Variants in LRRTM4 observed in about 807,000 individuals in gnomAD.
LRRTM4 encodes leucine rich repeat transmembrane neuronal 4.
In LRRTM4, 25 loss-of-function variants were observed where a neutral mutation model predicts 47.6. That is an observed-to-expected ratio of 0.53 (90% CI 0.38 to 0.73). The LOEUF is 0.73. Ranked by LOEUF, LRRTM4 falls within the 30% of genes least tolerant of loss-of-function variation. The probability of loss-of-function intolerance (pLI) is 0.00; values close to 1 mark genes in which losing one functional copy is unlikely to be tolerated. For missense variants in LRRTM4, 638 were observed against 713.4 expected, an observed-to-expected ratio of 0.89 and a Z score of 1.20; for synonymous variants, 311 against 269.5, an observed-to-expected ratio of 1.15 and a Z score of -1.51.
At chr2:76,812,791 TC>T (rs1366507886) in intron 3 of LRRTM4, among the ~76,000 whole-genome samples, 22 of 48,758 alleles carry the variant, frequency 4.5e-4, no homozygotes, top group Non-Finnish European at 6.6e-4. Flanking sequence ...CTCCTCTCCC[TC>T]CCCCCCCTCC....
intron 3 of LRRTM4, among the ~76,000 whole-genome samples, chr2:76,846,486 T>G (rs1573203735): frequency 6.6e-6 from 1 of 152,222 alleles, no homozygotes; most frequent in African/African-American, 2.4e-5. Context: ...TATATGTACA[T>G]TCTAACATCT....
rs189612255 is a variant in LRRTM4 at position 77,321,613 on chromosome 2, T to G, written c.1551+196705A>C. Reference sequence around the variant, plus strand: ...AAAAGAAAAAAGAAATGAATTGCCATGACTTAATGTGAGATAAGACAAAAC... The same window carrying G: ...AAAAGAAAAAAGAAATGAATTGCCAGGACTTAATGTGAGATAAGACAAAAC... On this transcript the variant is annotated intron_variant, in intron 3 of 3. Coordinates refer to ENST00000409884, the MANE Select transcript of LRRTM4 (RefSeq NM_001134745.3). Among the ~76,000 whole-genome samples, 927 of 140,958 alleles carry G rather than the reference T, an allele frequency of 6.6e-3. 7 individuals are homozygous for G. The highest frequency in any genetic ancestry group is 0.025 in the African/African-American group (888 of 35,110). The allele number at this position is 140,958 out of a possible 152,430, so 92.5% of individuals were successfully genotyped here.
At chr2:77,317,259 G>A (rs1677645495) in intron 3 of LRRTM4, among the ~76,000 whole-genome samples, 1 of 151,972 alleles carries the variant, frequency 6.6e-6, no homozygotes, top group African/African-American at 2.4e-5. Context: ...GCAGTTTTTT[G>A]CAATTTTATA....
intron 3 of LRRTM4, among the ~76,000 whole-genome samples, chr2:76,785,371 A>T (rs1674620060): frequency 6.6e-6 from 1 of 152,164 alleles, no homozygotes; most frequent in South Asian, 2.1e-4. Context: ...AACTTATAAC[A>T]GTGTACTTTA....
chr2:77,326,997 T>G (rs1310365885), intron 3 of LRRTM4, among the ~76,000 whole-genome samples: 1 of 152,208 alleles, frequency 6.6e-6, no homozygotes, highest in Non-Finnish European at 1.5e-5. Flanking sequence ...CTGTTTCTGC[T>G]GCAGGAAAGG....
At chr2:77,202,198 A>G (rs996962327) in intron 3 of LRRTM4, among the ~76,000 whole-genome samples, 6 of 152,262 alleles carry the variant, frequency 3.9e-5, no homozygotes, top group African/African-American at 7.2e-5. Context: ...AAACTTATCA[A>G]ATTTCTTTGG....
chr2:76,867,691 G>A (rs1417869832), intron 3 of LRRTM4, among the ~76,000 whole-genome samples: 1 of 152,086 alleles, frequency 6.6e-6, no homozygotes, highest in Non-Finnish European at 1.5e-5. Flanking sequence ...ATTTGATGAT[G>A]CCATCTTAAT....
chr2:77,076,233 G>A (rs1415896532), intron 3 of LRRTM4, among the ~76,000 whole-genome samples: 1 of 152,148 alleles, frequency 6.6e-6, no homozygotes, highest in African/African-American at 2.4e-5. Context: ...GTCCTTGGAA[G>A]ATAGAAAAAT....
chr2:77,094,738 A>G (rs888337667), intron 3 of LRRTM4, among the ~76,000 whole-genome samples: 2 of 152,162 alleles, frequency 1.3e-5, no homozygotes, highest in Non-Finnish European at 2.9e-5. Flanking sequence ...GAATCAAAAG[A>G]ATGAAATTGG....
rs1205364446 is a variant in LRRTM4 at position 77,480,818 on chromosome 2, GTGTGGAGA to G, written c.1551+37492_1551+37499del. 3.7e-4 allele frequency among the ~76,000 whole-genome samples: 43 copies of G among 114,992 alleles called. No homozygotes were observed. In the East Asian group the frequency reaches 0.01, roughly 27 times the overall value. The allele number at this position is 114,992 out of a possible 152,430, so 75.4% of individuals were successfully genotyped here. On this transcript the variant is annotated intron_variant, in intron 3 of 3. Coordinates refer to ENST00000409884, the MANE Select transcript of LRRTM4 (RefSeq NM_001134745.3). The stretch of plus-strand genomic sequence containing the variant: ...TGTGTGTGTGTGTGTGTGTGTGTGT[GTGTGGAGA>G]GAGAGAGAGAGAGAGAGAGAGAGAG...
chr2:77,336,061 T>C (rs1671153321), intron 3 of LRRTM4, among the ~76,000 whole-genome samples: 2 of 151,574 alleles, frequency 1.3e-5, no homozygotes, highest in Admixed American at 1.3e-4. Flanking sequence ...CCAGTAGTTT[T>C]ACTTATTCTT....
At chr2:77,392,679 T>C (rs1038890960) in intron 3 of LRRTM4, among the ~76,000 whole-genome samples, 2 of 151,940 alleles carry the variant, frequency 1.3e-5, no homozygotes, top group African/African-American at 4.8e-5. Context: ...TTTGAGCTCA[T>C]AGAAACAGAG....
At chr2:77,049,157 T>TATATATATACACACAC (rs1351971551) in intron 3 of LRRTM4, among the ~76,000 whole-genome samples, 3 of 106,374 alleles carry the variant, frequency 2.8e-5, no homozygotes, top group African/African-American at 1.0e-4. Context: ...TATATATATA[T>TATATATATACACACAC]ACACACACAC....
At chr2:77,455,137 G>A (rs1676474549) in intron 3 of LRRTM4, among the ~76,000 whole-genome samples, 1 of 152,160 alleles carries the variant, frequency 6.6e-6, no homozygotes, top group Non-Finnish European at 1.5e-5. Context: ...GCAGTGAGCT[G>A]AGATAGCACC....
At chr2:77,417,693 C>T (rs1430830538) in intron 3 of LRRTM4, among the ~76,000 whole-genome samples, 2 of 146,356 alleles carry the variant, frequency 1.4e-5, no homozygotes, top group African/African-American at 5.1e-5. Context: ...TATTCCCACT[C>T]ATAGGTGGGA....
chr2:76,790,750 C>T (rs1038929425), intron 3 of LRRTM4, among the ~76,000 whole-genome samples: 15 of 151,480 alleles, frequency 9.9e-5, no homozygotes, highest in African/African-American at 3.6e-4. Context: ...TCAGTATCTT[C>T]CAGTTGATGT....
At chr2:77,396,745 T>A (rs1001106006) in intron 3 of LRRTM4, among the ~76,000 whole-genome samples, 2 of 151,860 alleles carry the variant, frequency 1.3e-5, no homozygotes, top group African/African-American at 4.8e-5. Context: ...ATATGCACAA[T>A]AGTTTTTTTT....
At chr2:76,794,725 C>G (rs962760163) in intron 3 of LRRTM4, among the ~76,000 whole-genome samples, 60 of 151,856 alleles carry the variant, frequency 4.0e-4, no homozygotes, top group African/African-American at 1.2e-3. Context: ...CTGGCTAATT[C>G]TTTGCTATGG....
At chr2:76,964,978 C>T (rs553788284) in intron 3 of LRRTM4, among the ~76,000 whole-genome samples, 2 of 122,934 alleles carry the variant, frequency 1.6e-5, no homozygotes, top group African/African-American at 3.8e-5. Flanking sequence ...GATATAAATG[C>T]CCAAAATTCA....
Sources: gnomAD v4.1 joint callset for allele counts (sites outside exome capture counted in the v4.1 genomes callset) on GRCh38, gnomAD v4.1.1 for gene constraint, MANE v1.5 for transcripts, NCBI Gene and HGNC (gene_info 2026-07-23, HGNC 2026-07-21) for gene names.